The following TNIK variants were observed in gnomAD, a reference collection of about 807,000 sequenced individuals.
TNIK encodes the protein TRAF2 and NCK-interacting protein kinase.
A neutral mutation model predicts 191.3 loss-of-function variants in TNIK; 49 were observed. That is an observed-to-expected ratio of 0.26 (90% CI 0.20 to 0.32). The LOEUF (loss-of-function observed/expected upper bound fraction) is 0.32. TNIK is among the 10% of genes least tolerant of loss of function. The pLI, the probability that TNIK is intolerant of heterozygous loss-of-function variation, is 1.00. For missense variants in TNIK, 1,155 were observed against 1,702.3 expected (o/e 0.68, Z 5.66); for synonymous variants, 594 against 600.9 (o/e 0.99, Z 0.17).
intron 3 of TNIK, among the ~76,000 whole-genome samples, chr3:171,221,949 C>G (rs76321458): frequency 0.033 from 5,033 of 152,220 alleles, 120 homozygotes; most frequent in Non-Finnish European, 0.047. Flanking sequence ...TTCCTATTGT[C>G]TGTCTTATTC....
intron 24 of TNIK, among the ~76,000 whole-genome samples, chr3:171,086,889 C>G (rs1247215807): frequency 6.6e-6 from 1 of 152,210 alleles, no homozygotes; most frequent in African/African-American, 2.4e-5. Flanking sequence ...AAGAACTTAT[C>G]TATTTATTAA....
At chr3:171,118,176 C>A (rs1337509396) in intron 18 of TNIK, among the ~76,000 whole-genome samples, 1 of 152,140 alleles carries the variant, frequency 6.6e-6, no homozygotes, top group African/African-American at 2.4e-5. Context: ...CATGAGTGAA[C>A]TCCCATTCAC....
intron 1 of TNIK, among the ~76,000 whole-genome samples, chr3:171,452,652 C>T (rs1335055734): frequency 2.0e-5 from 3 of 151,936 alleles, no homozygotes; most frequent in Non-Finnish European, 4.4e-5. Flanking sequence ...CACCCTTTCC[C>T]GCCCATCTAT....
At chr3:171,404,619 T>C (rs1253515042) in intron 1 of TNIK, among the ~76,000 whole-genome samples, 1 of 152,116 alleles carries the variant, frequency 6.6e-6, no homozygotes, top group Non-Finnish European at 1.5e-5. Context: ...CTGCAGAGTA[T>C]GCAGTTTAAT....
chr3:171,233,267 A>G (rs918821728), intron 2 of TNIK, among the ~76,000 whole-genome samples: 12 of 152,072 alleles, frequency 7.9e-5, no homozygotes, highest in African/African-American at 2.9e-4. Flanking sequence ...TCCACAGAAT[A>G]CTATCCCAAC....
At chr3:171,164,615 A>C (rs944628826) in intron 10 of TNIK, among the ~76,000 whole-genome samples, 1 of 152,262 alleles carries the variant, frequency 6.6e-6, no homozygotes, top group African/African-American at 2.4e-5. Flanking sequence ...TATGAATCTG[A>C]AAACAGTCTG....
intron 2 of TNIK, among the ~76,000 whole-genome samples, chr3:171,240,205 A>G (rs926364074): frequency 1.8e-4 from 28 of 152,154 alleles, no homozygotes; most frequent in African/African-American, 6.5e-4. Flanking sequence ...GAGACGGGTA[A>G]GCACAGCATC....
At chr3:171,106,371 G>A (rs765220275) in intron 21 of TNIK, among the ~76,000 whole-genome samples, 2 of 152,150 alleles carry the variant, frequency 1.3e-5, no homozygotes, top group African/African-American at 4.8e-5. Flanking sequence ...GTTATTTACT[G>A]GGGGAGCCAA....
At chr3:171,335,910 C>T (rs980043703) in intron 2 of TNIK, among the ~76,000 whole-genome samples, 8 of 152,054 alleles carry the variant, frequency 5.3e-5, no homozygotes, top group South Asian at 2.1e-4. Context: ...ATGAAAGTTC[C>T]GGTTGCTTCA....
chr3:171,399,604 C>T (rs1051647744), intron 1 of TNIK, among the ~76,000 whole-genome samples: 1 of 151,416 alleles, frequency 6.6e-6, no homozygotes, highest in Non-Finnish European at 1.5e-5. Flanking sequence ...AGTAGGCAAC[C>T]GATAAAAAAA....
chr3:171,300,626 A>G (rs1374692549), intron 2 of TNIK, among the ~76,000 whole-genome samples: 1 of 152,222 alleles, frequency 6.6e-6, no homozygotes, highest in Non-Finnish European at 1.5e-5. Context: ...TATTGATGAA[A>G]TATTCAAATA....
intron 2 of TNIK, among the ~76,000 whole-genome samples, chr3:171,360,330 C>T (rs1036805019): frequency 6.6e-6 from 1 of 152,132 alleles, no homozygotes; most frequent in African/African-American, 2.4e-5. Flanking sequence ...TTAGGCATTC[C>T]GTATAAATCA....
At position 171,160,854 on chromosome 3, in the gene TNIK, A is replaced by G. The variant is rs375013835; in HGVS notation, c.1016+416T>C. Among the ~76,000 whole-genome samples, 7 of 152,370 alleles carry G rather than the reference A, an allele frequency of 4.6e-5. No individual in the cohort carries two copies. In the East Asian group the frequency reaches 1.4e-3, roughly 29 times the overall value. ...AAATACCAAGGCATGTGACAAGGAC[A>G]GTGGCTACCCGAATGGGCTTCTCAA... On this transcript the variant is annotated intron_variant, in intron 11 of 32. Transcript: ENST00000436636.
chr3:171,157,771 AAAG>A (rs774495918), intron 11 of TNIK, 107 bp from the exon 12 acceptor site: 16 of 1,141,252 alleles, frequency 1.4e-5, no homozygotes, highest in South Asian at 7.6e-5. Context: ...ACACACAGGG[AAAG>A]AAGAGCACAG....
chr3:171,082,497 A>C (rs1720821860), intron 26 of TNIK, 103 bp from the exon 27 acceptor site: 1 of 1,320,570 alleles, frequency 7.6e-7, no homozygotes, highest in Non-Finnish European at 1.0e-6. Flanking sequence ...GTAAATATAC[A>C]CTAATGGGCA....
chr3:171,118,030 T>G (rs1213613553), intron 18 of TNIK, among the ~76,000 whole-genome samples: 1 of 152,144 alleles, frequency 6.6e-6, no homozygotes, highest in African/African-American at 2.4e-5. Flanking sequence ...CATGATTGTA[T>G]ATCTAGAAAG....
At chr3:171,147,344 C>A (rs1279873804) in intron 12 of TNIK, among the ~76,000 whole-genome samples, 1 of 152,200 alleles carries the variant, frequency 6.6e-6, no homozygotes, top group Non-Finnish European at 1.5e-5. Context: ...ACACATGCCC[C>A]CTCACTTTAA....
At chr3:171,167,854 G>C (rs964473715) in intron 9 of TNIK, among the ~76,000 whole-genome samples, 2 of 152,180 alleles carry the variant, frequency 1.3e-5, no homozygotes, top group Non-Finnish European at 2.9e-5. Flanking sequence ...AGTGAACTTT[G>C]ATTAGGCAAA....
chr3:171,139,187 G>A (rs1427037100), intron 14 of TNIK, among the ~76,000 whole-genome samples: 1 of 152,046 alleles, frequency 6.6e-6, no homozygotes. Context: ...CTTATAATAA[G>A]GCTGGATTTA....
Sources: allele counts gnomAD v4.1 joint callset (sites outside exome capture counted in the v4.1 genomes callset), GRCh38; gene constraint gnomAD v4.1.1; transcripts MANE v1.5; gene names NCBI Gene and HGNC (gene_info 2026-07-23, HGNC 2026-07-21).